Variants in FMN2 observed in about 807,000 individuals in gnomAD.
FMN2 encodes the protein formin-2.
Under a neutral mutation model 142.3 loss-of-function variants are expected in FMN2, and 51 were observed. That is an observed-to-expected ratio of 0.36 (90% CI 0.29 to 0.45). The LOEUF is 0.45. FMN2 is among the 20% of genes least tolerant of loss of function. The pLI is 1.00. For synonymous variants in FMN2, 882 were observed against 869.8 expected (o/e 1.01, Z -0.25); for missense variants, 1,936 against 2,122.8 (o/e 0.91, Z 1.73).
At chr1:240,414,688 G>T (rs763682546) in intron 15 of FMN2, among the ~76,000 whole-genome samples, 2 of 152,122 alleles carry the variant, frequency 1.3e-5, no homozygotes, top group Admixed American at 6.5e-5. Flanking sequence ...ATGTAAATAG[G>T]AGATATTCAC....
At chr1:240,420,924 G>A (rs1316586854) in intron 15 of FMN2, among the ~76,000 whole-genome samples, 2 of 152,212 alleles carry the variant, frequency 1.3e-5, no homozygotes, top group Non-Finnish European at 2.9e-5. Flanking sequence ...GGGAGCCAGA[G>A]GAAGCTGGGA....
intron 8 of FMN2, among the ~76,000 whole-genome samples, chr1:240,318,613 T>C (rs1670868920): frequency 6.6e-6 from 1 of 152,208 alleles, no homozygotes; most frequent in Non-Finnish European, 1.5e-5. Flanking sequence ...TATGTCCAGG[T>C]ATTATTCTAA....
chr1:240,224,587 G>A (rs1192102424), intron 6 of FMN2, among the ~76,000 whole-genome samples: 1 of 152,080 alleles, frequency 6.6e-6, no homozygotes, highest in Non-Finnish European at 1.5e-5. Context: ...TGTTGACAGT[G>A]GGGTGTTAAA....
chr1:240,397,723 G>A (rs570404440), intron 15 of FMN2, among the ~76,000 whole-genome samples: 2 of 139,756 alleles, frequency 1.4e-5, no homozygotes, highest in Non-Finnish European at 3.0e-5. Context: ...CTGGGAGGCG[G>A]AGGTTGCAGT....
At chr1:240,398,167 T>C (rs1369347602) in intron 15 of FMN2, among the ~76,000 whole-genome samples, 2 of 152,176 alleles carry the variant, frequency 1.3e-5, no homozygotes, top group South Asian at 2.1e-4. Context: ...AGCTAACTTT[T>C]TTTTTCTTGT....
At chr1:240,171,336 G>A in intron 2 of FMN2, 1 of 655,670 alleles carries the variant, frequency 1.5e-6, no homozygotes, top group Non-Finnish European at 2.8e-6. Flanking sequence ...GTGATGTGAT[G>A]GGAGCAGCCT....
At chr1:240,229,936 G>A (rs143429053) in intron 6 of FMN2, among the ~76,000 whole-genome samples, 2,034 of 131,662 alleles carry the variant, frequency 0.015, 613 homozygotes, top group African/African-American at 0.063. Flanking sequence ...ATGAGCCACC[G>A]TGCCCAGCAG....
At chr1:240,135,707 G>A (rs1196542010) in intron 2 of FMN2, among the ~76,000 whole-genome samples, 1 of 146,388 alleles carries the variant, frequency 6.8e-6, no homozygotes, top group Middle Eastern at 3.3e-3. Flanking sequence ...TTGAGACAGA[G>A]TCTCACTCTG....
chr1:240,270,484 C>T (rs1006952454), intron 7 of FMN2, among the ~76,000 whole-genome samples: 1 of 152,042 alleles, frequency 6.6e-6, no homozygotes, highest in African/African-American at 2.4e-5. Context: ...CTCGGATAAA[C>T]CTCATTGGCT....
At position 240,144,385 on chromosome 1, in the gene FMN2, C is replaced by T. The variant is rs1306687226; in HGVS notation, c.1782+21040C>T. 2.5e-6 allele frequency: 4 copies of T among 1,606,754 alleles called. No homozygotes were observed. The Admixed American group carries it at 5.0e-5, about 20-fold the overall frequency. ...TGATGTCCAGCTCCCGAGCTAAGGC[C>T]AAGAAGTTGCTGTTGAGCTGTACAT... On this transcript the variant is annotated intron_variant, in intron 2 of 17. Coordinates refer to ENST00000319653, the MANE Select transcript of FMN2 (RefSeq NM_020066.5).
chr1:240,143,547 C>A, intron 2 of FMN2: 2 of 1,599,064 alleles, frequency 1.3e-6, no homozygotes, highest in Non-Finnish European at 1.7e-6. Context: ...AAACGTGGAG[C>A]AGCTGCTGCA....
chr1:240,099,762 G>A (rs1420187842), intron 1 of FMN2, among the ~76,000 whole-genome samples: 1 of 152,036 alleles, frequency 6.6e-6, no homozygotes, highest in Non-Finnish European at 1.5e-5. Context: ...GACCTTACTG[G>A]CTGTCATCTC....
At chr1:240,226,416 G>GTCA (rs1179633095) in intron 6 of FMN2, among the ~76,000 whole-genome samples, 1 of 152,206 alleles carries the variant, frequency 6.6e-6, no homozygotes, top group Non-Finnish European at 1.5e-5. Flanking sequence ...TGTTCAACCA[G>GTCA]TCATCTTACA....
At chr1:240,246,986 GTTC>G (rs757687925) in intron 6 of FMN2, among the ~76,000 whole-genome samples, 5 of 152,008 alleles carry the variant, frequency 3.3e-5, no homozygotes, top group East Asian at 1.9e-4. Flanking sequence ...CTAACTTTAG[GTTC>G]TTCTTCTCCA....
intron 13 of FMN2, among the ~76,000 whole-genome samples, chr1:240,335,185 C>A (rs1671516935): frequency 6.6e-6 from 1 of 152,068 alleles, no homozygotes; most frequent in African/African-American, 2.4e-5. Context: ...TATTACGGAC[C>A]TGGTTCATGG....
intron 6 of FMN2, among the ~76,000 whole-genome samples, chr1:240,241,677 T>C (rs926232816): frequency 6.6e-6 from 1 of 152,164 alleles, no homozygotes; most frequent in Non-Finnish European, 1.5e-5. Context: ...TCAACTTGAC[T>C]GTATTTAGAA....
chr1:240,141,311 A>G (rs977440230), intron 2 of FMN2, among the ~76,000 whole-genome samples: 2 of 152,102 alleles, frequency 1.3e-5, no homozygotes, highest in African/African-American at 2.4e-5. Flanking sequence ...AATCTGCATG[A>G]AAAATCTGCA....
At chr1:240,222,966 T>A (rs1487346194) in intron 6 of FMN2, among the ~76,000 whole-genome samples, 1 of 152,220 alleles carries the variant, frequency 6.6e-6, no homozygotes, top group Non-Finnish European at 1.5e-5. Context: ...CCTATTTGAA[T>A]ACCCTTTATT....
intron 15 of FMN2, among the ~76,000 whole-genome samples, chr1:240,425,039 C>T (rs1210050726): frequency 6.6e-6 from 1 of 152,116 alleles, no homozygotes; most frequent in African/African-American, 2.4e-5. Flanking sequence ...GAGGGAGAGC[C>T]ATAGTTATCA....
Sources: allele counts gnomAD v4.1 joint callset (sites outside exome capture counted in the v4.1 genomes callset), GRCh38; gene constraint gnomAD v4.1.1; transcripts MANE v1.5; gene names NCBI Gene and HGNC (gene_info 2026-07-23, HGNC 2026-07-21).